Variants in GOLGA8B observed in about 807,000 individuals in gnomAD.
The protein encoded by GOLGA8B is golgin A8 family member B.
GOLGA8B carries 1 observed loss-of-function variant against 15.6 expected under a neutral mutation model. The observed-to-expected ratio is 0.06, with a 90% CI of 0.02 to 0.30. The LOEUF is 0.30. Among genes scored for constraint, GOLGA8B ranks in the 10% least tolerant of loss-of-function variants. The pLI, the probability that GOLGA8B is intolerant of heterozygous loss-of-function variation, is 1.00. For synonymous variants in GOLGA8B, 9 were observed against 80.3 expected, an observed-to-expected ratio of 0.11 and a Z score of 4.75; for missense variants, 17 against 201.3, an observed-to-expected ratio of 0.08 and a Z score of 5.54.
intron 1 of GOLGA8B, among the ~76,000 whole-genome samples, chr15:34,571,744 C>T (rs1255172332): frequency 2.0e-5 from 3 of 151,942 alleles, no homozygotes; most frequent in South Asian, 2.1e-4. Flanking sequence ...GGTGGTTATA[C>T]ACATTAGGGT....
chr15:34,570,882 C>T (rs1645700259), intron 1 of GOLGA8B, among the ~76,000 whole-genome samples: 1 of 111,074 alleles, frequency 9.0e-6, no homozygotes, highest in Non-Finnish European at 1.9e-5. Flanking sequence ...GTGATGGAGG[C>T]AAAGGACTTT....
intron 1 of GOLGA8B, among the ~76,000 whole-genome samples, chr15:34,563,643 G>C (rs889847803): frequency 1.3e-5 from 2 of 151,958 alleles, no homozygotes; most frequent in African/African-American, 2.4e-5. Context: ...AGAGCAGATG[G>C]GAGAAATATG....
At chr15:34,573,508 G>A (rs1888979877) in intron 1 of GOLGA8B, among the ~76,000 whole-genome samples, 1 of 132,030 alleles carries the variant, frequency 7.6e-6, no homozygotes, top group Non-Finnish European at 1.5e-5. Context: ...CTGCACTCCA[G>A]CCTGGGTGAT....
intron 1 of GOLGA8B, among the ~76,000 whole-genome samples, chr15:34,571,342 T>C (rs1233486988): frequency 1.3e-5 from 2 of 152,010 alleles, no homozygotes; most frequent in South Asian, 2.1e-4. Context: ...AAAATAAAGC[T>C]TATCTATTCA....
At chr15:34,563,496 A>T (rs1888677843) in intron 1 of GOLGA8B, among the ~76,000 whole-genome samples, 1 of 148,378 alleles carries the variant, frequency 6.7e-6, no homozygotes, top group African/African-American at 2.5e-5. Context: ...TCATTAATTA[A>T]CCATTTCCCA....
intron 1 of GOLGA8B, among the ~76,000 whole-genome samples, chr15:34,576,051 G>A (rs1276096682): frequency 7.2e-6 from 1 of 139,632 alleles, no homozygotes; most frequent in Non-Finnish European, 1.6e-5. Flanking sequence ...TGAATGACGG[G>A]ACGGGCAAGG....
At chr15:34,575,055 T>C (rs1417938327) in intron 1 of GOLGA8B, 1 of 149,646 alleles carries the variant, frequency 6.7e-6, no homozygotes, top group African/African-American at 2.5e-5. Context: ...CTGTTCCCGC[T>C]CCTTCTTGGA....
intron 1 of GOLGA8B, among the ~76,000 whole-genome samples, chr15:34,577,294 C>G (rs1008047698): frequency 6.6e-6 from 1 of 152,150 alleles, no homozygotes; most frequent in South Asian, 2.1e-4. Flanking sequence ...TAAATGCATG[C>G]GGTTACTCAA....
At chr15:34,568,761 C>T (rs1232894251) in intron 1 of GOLGA8B, among the ~76,000 whole-genome samples, 1 of 82,026 alleles carries the variant, frequency 1.2e-5, no homozygotes, top group African/African-American at 7.1e-5. Context: ...ATAGCCAATT[C>T]CCAAAGTCAA....
At chr15:34,580,776 C>T (rs1223123569) in intron 1 of GOLGA8B, among the ~76,000 whole-genome samples, 1 of 152,150 alleles carries the variant, frequency 6.6e-6, no homozygotes, top group Non-Finnish European at 1.5e-5. Context: ...ATTGAGCACC[C>T]CCAGCCCCTG....
intron 1 of GOLGA8B, among the ~76,000 whole-genome samples, chr15:34,572,122 A>T (rs1392991623): frequency 1.3e-5 from 2 of 152,196 alleles, no homozygotes; most frequent in African/African-American, 2.4e-5. Flanking sequence ...TCACACCCAC[A>T]TGACTGAATG....
intron 1 of GOLGA8B, among the ~76,000 whole-genome samples, chr15:34,577,521 C>T (rs1281972372): frequency 2.4e-5 from 3 of 126,300 alleles, no homozygotes; most frequent in East Asian, 2.5e-4. Flanking sequence ...CACACACACA[C>T]ACACACACAC....
chr15:34,564,586 G>A (rs187032), intron 1 of GOLGA8B, among the ~76,000 whole-genome samples: 2 of 123,710 alleles, frequency 1.6e-5, no homozygotes, highest in African/African-American at 2.9e-5. Context: ...CTGAAGCTTT[G>A]CATTTAAATG....
intron 1 of GOLGA8B, chr15:34,582,789 C>T (rs1265795881): frequency 6.6e-6 from 1 of 152,292 alleles, no homozygotes; most frequent in East Asian, 1.9e-4. Context: ...TGCTTGGGGA[C>T]TGGGGGCCTC....
At chr15:34,583,104 G>A (rs1889290761) in intron 1 of GOLGA8B, among the ~76,000 whole-genome samples, 1 of 152,122 alleles carries the variant, frequency 6.6e-6, no homozygotes, top group Non-Finnish European at 1.5e-5. Flanking sequence ...CCAGCTCGGG[G>A]ACTTGATGCC....
At chr15:34,556,984 G>C (rs1356002994) in intron 1 of GOLGA8B, among the ~76,000 whole-genome samples, 1 of 147,694 alleles carries the variant, frequency 6.8e-6, no homozygotes, top group African/African-American at 2.6e-5. Context: ...CATGTTGCGT[G>C]GATGCTCCGG....
chr15:34,579,489 TGG>T (rs1889171509), intron 1 of GOLGA8B, among the ~76,000 whole-genome samples: 1 of 152,090 alleles, frequency 6.6e-6, no homozygotes, highest in Non-Finnish European at 1.5e-5. Context: ...AGGGACCACC[TGG>T]GTGCAGAGAA....
intron 7 of GOLGA8B, among the ~76,000 whole-genome samples, chr15:34,543,098 T>C (rs1888238059): frequency 2.0e-5 from 2 of 98,354 alleles, no homozygotes; most frequent in Non-Finnish European, 4.1e-5. Flanking sequence ...TTTTTGGAGA[T>C]AATGGTCTAA....
chr15:34,577,167 C>G (rs916046039), intron 1 of GOLGA8B, among the ~76,000 whole-genome samples: 18 of 152,102 alleles, frequency 1.2e-4, no homozygotes, highest in Non-Finnish European at 2.5e-4. Context: ...ATAATTCAGA[C>G]AGATGCTAGA....
Sources: allele counts gnomAD v4.1 joint callset (sites outside exome capture counted in the v4.1 genomes callset), GRCh38; gene constraint gnomAD v4.1.1; transcripts MANE v1.5; gene names NCBI Gene and HGNC (gene_info 2026-07-23, HGNC 2026-07-21).